SLC9A9: variants seen among roughly 807,000 people sequenced by gnomAD.
SLC9A9 encodes sodium/hydrogen exchanger 9.
SLC9A9 carries 62 observed loss-of-function variants against 77.8 expected under a neutral mutation model. The observed-to-expected ratio is 0.80, with a 90% CI of 0.65 to 0.98. The LOEUF is 0.98. Ranked by LOEUF, SLC9A9 falls within the 50% of genes least tolerant of loss-of-function variation. SLC9A9 has a pLI of 0.00. For missense variants in SLC9A9, 775 were observed against 774.9 expected (o/e 1.00, Z 0.00); for synonymous variants, 320 against 283.5 (o/e 1.13, Z -1.29).
chr3:143,365,279 G>A (rs2032865573), intron 13 of SLC9A9, among the ~76,000 whole-genome samples: 1 of 152,100 alleles, frequency 6.6e-6, no homozygotes, highest in Admixed American at 6.5e-5. Context: ...CCTACCTGAG[G>A]GTGGAAGGAG....
intron 5 of SLC9A9, among the ~76,000 whole-genome samples, chr3:143,684,320 C>T (rs1933193163): frequency 6.6e-6 from 1 of 151,726 alleles, no homozygotes; most frequent in African/African-American, 2.4e-5. Context: ...GTGTATTTTG[C>T]CTTGTTTGGT....
At chr3:143,547,828 C>A (rs2036814542) in intron 9 of SLC9A9, among the ~76,000 whole-genome samples, 1 of 152,170 alleles carries the variant, frequency 6.6e-6, no homozygotes, top group South Asian at 2.1e-4. Flanking sequence ...TTATTATTGG[C>A]CTTATGTCTT....
chr3:143,631,208 C>T (rs1195918294), intron 6 of SLC9A9, among the ~76,000 whole-genome samples: 1 of 152,110 alleles, frequency 6.6e-6, no homozygotes, highest in Non-Finnish European at 1.5e-5. Context: ...AAGTGCCTTG[C>T]ATAAATCCAA....
chr3:143,657,671 C>G (rs1027727206), intron 5 of SLC9A9, among the ~76,000 whole-genome samples: 3 of 152,168 alleles, frequency 2.0e-5, no homozygotes, highest in African/African-American at 7.2e-5. Context: ...TCTTCATTTG[C>G]ACTACATGTT....
At chr3:143,420,889 C>A (rs2034286446) in intron 12 of SLC9A9, among the ~76,000 whole-genome samples, 6 of 151,558 alleles carry the variant, frequency 4.0e-5, no homozygotes, top group Admixed American at 4.0e-4. Flanking sequence ...AGAAAATCCT[C>A]AAGACTCTGC....
chr3:143,665,957 C>G (rs760333446), intron 5 of SLC9A9, among the ~76,000 whole-genome samples: 1 of 152,144 alleles, frequency 6.6e-6, no homozygotes, highest in South Asian at 2.1e-4. Flanking sequence ...TAGAAAAAGA[C>G]GGAATCCTTC....
chr3:143,808,154 C>T (rs935608355), intron 2 of SLC9A9, among the ~76,000 whole-genome samples: 1 of 152,200 alleles, frequency 6.6e-6, no homozygotes, highest in Admixed American at 6.5e-5. Flanking sequence ...AGGTCAAATG[C>T]CTGCTAAATC....
At chr3:143,751,610 T>A (rs2006719290) in intron 4 of SLC9A9, among the ~76,000 whole-genome samples, 1 of 152,038 alleles carries the variant, frequency 6.6e-6, no homozygotes, top group South Asian at 2.1e-4. Flanking sequence ...CTCTGCACCC[T>A]CCTACCTCCC....
intron 9 of SLC9A9, among the ~76,000 whole-genome samples, chr3:143,527,227 TC>T (rs2036422577): frequency 6.6e-6 from 1 of 152,220 alleles, no homozygotes; most frequent in Non-Finnish European, 1.5e-5. Context: ...ATGTAATGTA[TC>T]TCCACTGTTC....
At chr3:143,814,965 G>T in intron 2 of SLC9A9, among the ~76,000 whole-genome samples, 1 of 147,078 alleles carries the variant, frequency 6.8e-6, no homozygotes, top group South Asian at 2.3e-4. Context: ...CTGAGCAGTG[G>T]CTTTTTCAGG....
chr3:143,385,068 A>T (rs2033393378), intron 12 of SLC9A9, among the ~76,000 whole-genome samples: 1 of 152,124 alleles, frequency 6.6e-6, no homozygotes. Context: ...AAAGTCTGAC[A>T]CTTGCTTCTT....
rs1336718081 is a variant in SLC9A9 at position 143,786,249 on chromosome 3, A to G, written c.533+8752T>C. ...CTTCTCAGATAAATTCTCCTTCAGA[A>G]TAGAGTCCTCTTCAATTATTCTTAC... On this transcript the variant is annotated intron_variant, in intron 4 of 15. Coordinates refer to ENST00000316549, the MANE Select transcript of SLC9A9 (RefSeq NM_173653.4). Among the ~76,000 whole-genome samples, 3 of 152,342 alleles carry G rather than the reference A, an allele frequency of 2.0e-5. No individual in the cohort carries two copies. The South Asian group carries it at 6.2e-4, about 32-fold the overall frequency.
At chr3:143,679,952 T>C (rs555338223) in intron 5 of SLC9A9, among the ~76,000 whole-genome samples, 1 of 152,110 alleles carries the variant, frequency 6.6e-6, no homozygotes, top group South Asian at 2.1e-4. Flanking sequence ...GGATAATGGA[T>C]ACAACTGAAG....
chr3:143,553,774 C>CT (rs1380983573), intron 8 of SLC9A9, among the ~76,000 whole-genome samples: 1 of 152,156 alleles, frequency 6.6e-6, no homozygotes, highest in Admixed American at 6.5e-5. Flanking sequence ...CATGAAATAT[C>CT]TATTCAGTAG....
chr3:143,423,243 G>A (rs970865882), intron 12 of SLC9A9, among the ~76,000 whole-genome samples: 12 of 108,844 alleles, frequency 1.1e-4, no homozygotes, highest in East Asian at 7.8e-4. Flanking sequence ...GTACACACGC[G>A]CGTGTACACA....
chr3:143,328,575 A>C (rs1384102707), intron 14 of SLC9A9, among the ~76,000 whole-genome samples: 1 of 152,204 alleles, frequency 6.6e-6, no homozygotes, highest in African/African-American at 2.4e-5. Flanking sequence ...CGGTATTCAA[A>C]GCCCAGTGCA....
intron 4 of SLC9A9, among the ~76,000 whole-genome samples, chr3:143,752,622 G>A (rs1576702519): frequency 1.3e-5 from 2 of 152,092 alleles, no homozygotes; most frequent in East Asian, 3.9e-4. Context: ...GCACAAGTCT[G>A]GCTGCCTGCA....
intron 4 of SLC9A9, among the ~76,000 whole-genome samples, chr3:143,711,040 T>G (rs373704588): frequency 2.6e-5 from 4 of 152,254 alleles, no homozygotes; most frequent in African/African-American, 4.8e-5. Context: ...TTGATGGTTT[T>G]AAAATATGTT....
chr3:143,410,826 G>A (rs1314520036), intron 12 of SLC9A9, among the ~76,000 whole-genome samples: 2 of 151,858 alleles, frequency 1.3e-5, no homozygotes, highest in African/African-American at 2.4e-5. Context: ...TATACACTTT[G>A]GTATGAATGT....
Sources: gnomAD v4.1 joint callset for allele counts (sites outside exome capture counted in the v4.1 genomes callset) on GRCh38, gnomAD v4.1.1 for gene constraint, MANE v1.5 for transcripts, NCBI Gene and HGNC (gene_info 2026-07-23, HGNC 2026-07-21) for gene names.